Variants in LBH observed in about 807,000 individuals in gnomAD.
LBH encodes the protein LBH regulator of Wnt signaling pathway, also known as protein LBH.
In LBH, 7 loss-of-function variants were observed where a neutral mutation model predicts 12.5. That is an observed-to-expected ratio of 0.56 (90% confidence interval 0.32 to 1.05). The LOEUF is 1.05. Among genes scored for constraint, LBH ranks in the 50% least tolerant of loss-of-function variants. The pLI is 0.04. For missense variants in LBH, 119 were observed against 138.9 expected, an observed-to-expected ratio of 0.86 and a Z score of 0.72; for synonymous variants, 51 against 50.1, an observed-to-expected ratio of 1.02 and a Z score of -0.08.
At chr2:30,246,379 A>T (rs1677869406) in intron 2 of LBH, among the ~76,000 whole-genome samples, 1 of 152,114 alleles carries the variant, frequency 6.6e-6, no homozygotes, top group South Asian at 2.1e-4. Flanking sequence ...GTTCATGATT[A>T]TGTCTTTTGT....
In LBH at chr2:30,234,412, T is replaced by G. The variant is rs1333134106; in HGVS notation, c.34T>G (p.Tyr12Asp). The change falls in exon 2 of 3, where the codon TAT (tyrosine) becomes GAT (aspartate). Residue 12 changes from tyrosine (Y) to aspartate (D), a missense_variant. Coordinates refer to ENST00000395323, the MANE Select transcript of LBH (RefSeq NM_030915.4). ...SIYFPIHCPD[Y>D]LRSAKMTEVM... is the part of the protein sequence containing the mutation. ...GTCTGGGTTTCTTGGCAGCCCCGAC[T>G]ATCTGAGATCGGCCAAGATGACTGA... 6.2e-7 allele frequency: 1 copy of G among 1,614,020 alleles called. No individual in the cohort carries two copies. Among genetic ancestry groups the G allele is most frequent in the South Asian group, 1.1e-5 (1 of 91,076 alleles).
intron 2 of LBH, among the ~76,000 whole-genome samples, chr2:30,253,390 AT>A (rs1380522439): frequency 3.3e-5 from 5 of 152,218 alleles, no homozygotes; most frequent in Non-Finnish European, 7.3e-5. Flanking sequence ...GAGAGCTACA[AT>A]TTTGAGGCCC....
chr2:30,249,396 C>T (rs1677933859), intron 2 of LBH, among the ~76,000 whole-genome samples: 1 of 152,072 alleles, frequency 6.6e-6, no homozygotes, highest in East Asian at 1.9e-4. Flanking sequence ...TATAAGCCAG[C>T]CCATCGTAGG....
At chr2:30,243,460 T>C (rs1353412467) in intron 2 of LBH, among the ~76,000 whole-genome samples, 1 of 152,036 alleles carries the variant, frequency 6.6e-6, no homozygotes, top group Non-Finnish European at 1.5e-5. Flanking sequence ...GGGTTCCAGA[T>C]CTGGCTCATG....
intron 2 of LBH, among the ~76,000 whole-genome samples, chr2:30,250,680 G>C (rs893496987): frequency 5.3e-5 from 8 of 151,908 alleles, no homozygotes; most frequent in Non-Finnish European, 1.2e-4. Context: ...TTGAAGCCCT[G>C]GTGTTGCCTT....
rs931924816 is a variant in LBH at position 30,233,645 on chromosome 2, G to A, written c.27-760G>A. ...GGAATATTCGTATCCTGCTTAGAGAGTACAAGGCACTTTCACATGTCAGCC... is the reference window on the plus strand; with the variant it reads ...GGAATATTCGTATCCTGCTTAGAGAATACAAGGCACTTTCACATGTCAGCC... On this transcript the variant is annotated intron_variant, in intron 1 of 2. Coordinates refer to ENST00000395323, the MANE Select transcript of LBH (RefSeq NM_030915.4). Among the ~76,000 whole-genome samples, 24 of 152,256 alleles carry A rather than the reference G, an allele frequency of 1.6e-4. 1 individual carries two copies. Among genetic ancestry groups the A allele is most frequent in the African/African-American group, 5.8e-4 (24 of 41,472 alleles).
At chr2:30,255,513 T>C (rs373420449) in intron 2 of LBH, among the ~76,000 whole-genome samples, 62 of 152,356 alleles carry the variant, frequency 4.1e-4, no homozygotes, top group African/African-American at 1.4e-3. Context: ...TGCCTGGTTG[T>C]GCAGCTGGCT....
chr2:30,249,576 C>T (rs13414105), intron 2 of LBH, among the ~76,000 whole-genome samples: 2 of 152,044 alleles, frequency 1.3e-5, no homozygotes, highest in Admixed American at 6.5e-5. Flanking sequence ...TTTTCATTCC[C>T]CCGGTCCTAA....
chr2:30,258,327 C>G lies in LBH; in HGVS notation c.*706C>G, dbSNP rs571566503. The G allele has an allele frequency of 6.6e-6, 1 of 152,452 alleles. No individual in the cohort carries two copies. The highest frequency in any genetic ancestry group is 2.4e-5 in the African/African-American group (1 of 41,578). 9.4% of individuals were successfully genotyped at this position (152,452 alleles called of 1,614,324 possible). ...TTCTACTCCATGGCCTCTCTGCTCC[C>G]AGCTGTGGTAGGCTCACATAGCCAG... On this transcript the variant is annotated 3_prime_UTR_variant, in exon 3 of 3. Transcript: ENST00000395323.
intron 1 of LBH, 104 bp downstream of exon 1, chr2:30,231,868 G>T: frequency 1.9e-6 from 2 of 1,067,030 alleles, no homozygotes; most frequent in South Asian, 2.6e-5. Flanking sequence ...CCGGCGGCGC[G>T]GGCGCTCAGC....
intron 2 of LBH, among the ~76,000 whole-genome samples, chr2:30,257,137 C>A (rs11690629): frequency 0.25 from 38,296 of 152,144 alleles, 5,124 homozygotes; most frequent in Middle Eastern, 0.33. Flanking sequence ...ATTTTATCTG[C>A]AAATAAAATA....
At chr2:30,251,599 T>A (rs377340359) in intron 2 of LBH, among the ~76,000 whole-genome samples, 1 of 148,272 alleles carries the variant, frequency 6.7e-6, no homozygotes, top group Non-Finnish European at 1.5e-5. Flanking sequence ...CCTGGAAGGT[T>A]GAGGCTACAG....
chr2:30,234,214 G>GCTGA (rs1162693727), intron 1 of LBH, 191 bp from the exon 2 acceptor site: 7 of 577,894 alleles, frequency 1.2e-5, no homozygotes, highest in African/African-American at 1.1e-4. Context: ...GTCTGTTGCG[G>GCTGA]CTGAGCCCTG....
chr2:30,251,660 C>A (rs1380480258), intron 2 of LBH, among the ~76,000 whole-genome samples: 1 of 125,016 alleles, frequency 8.0e-6, no homozygotes, highest in African/African-American at 3.0e-5. Context: ...AAACAAGACC[C>A]TATCTCAAGA....
At chr2:30,256,893 C>T (rs142708265) in intron 2 of LBH, 1 of 161,894 alleles carries the variant, frequency 6.2e-6, no homozygotes, top group East Asian at 1.9e-4. Context: ...GGACCACCTA[C>T]TCTCCCAAGC....
chr2:30,252,390 C>A (rs1388172586), intron 2 of LBH, among the ~76,000 whole-genome samples: 1 of 152,156 alleles, frequency 6.6e-6, no homozygotes, highest in African/African-American at 2.4e-5. Flanking sequence ...AGGCCAGGTG[C>A]AGTGGCTCAT....
intron 2 of LBH, 53 bp downstream of exon 2, chr2:30,234,560 G>A (rs749446866): frequency 7.2e-7 from 1 of 1,388,862 alleles, no homozygotes; most frequent in East Asian, 2.3e-5. Context: ...GGTTTTTGCT[G>A]GGGGTGAGGA....
chr2:30,234,300 T>C (rs1677642701), intron 1 of LBH, 105 bp from the exon 2 acceptor site: 6 of 890,764 alleles, frequency 6.7e-6, no homozygotes, highest in Non-Finnish European at 1.1e-5. Context: ...ACACCTCTCT[T>C]CCTGTCTCCA....
intron 2 of LBH, among the ~76,000 whole-genome samples, chr2:30,243,997 A>T (rs555999926): frequency 6.6e-6 from 1 of 152,198 alleles, no homozygotes; most frequent in African/African-American, 2.4e-5. Context: ...TACAAAGTTC[A>T]TTTAGGTGCT....
Sources: allele counts gnomAD v4.1 joint callset (sites outside exome capture counted in the v4.1 genomes callset), GRCh38; gene constraint gnomAD v4.1.1; transcripts MANE v1.5; gene names NCBI Gene and HGNC (gene_info 2026-07-23, HGNC 2026-07-21).